The following ADK variants were observed in gnomAD, a reference collection of about 807,000 sequenced individuals.
ADK encodes the protein adenosine kinase.
Under a neutral mutation model 44.7 loss-of-function variants are expected in ADK, and 24 were observed. The ratio of observed to expected loss-of-function variants is 0.54; its 90% CI spans 0.39 to 0.76. The LOEUF (loss-of-function observed/expected upper bound fraction) is 0.76, where lower values mean the gene tolerates loss of function less well. Among genes scored for constraint, ADK ranks in the 30% least tolerant of loss-of-function variants. The probability of loss-of-function intolerance (pLI) is 0.00; values close to 1 mark genes in which losing one functional copy is unlikely to be tolerated. For synonymous variants in ADK, 128 were observed against 142.6 expected (o/e 0.90, Z 0.73); for missense variants, 321 against 425.1 (o/e 0.76, Z 2.15).
chr10:74,441,719 A>AT (rs1845411867), intron 6 of ADK, among the ~76,000 whole-genome samples: 1 of 152,104 alleles, frequency 6.6e-6, no homozygotes, highest in South Asian at 2.1e-4. Flanking sequence ...AATTGTATCT[A>AT]TATCAAACCA....
intron 4 of ADK, among the ~76,000 whole-genome samples, chr10:74,391,408 C>G (rs1843322551): frequency 6.6e-6 from 1 of 151,996 alleles, no homozygotes. Context: ...TCCTATTCCT[C>G]TACTCCTTTC....
intron 9 of ADK, among the ~76,000 whole-genome samples, chr10:74,615,403 C>A (rs1253371217): frequency 6.6e-6 from 1 of 152,042 alleles, no homozygotes; most frequent in Admixed American, 6.6e-5. Flanking sequence ...GTGTCAAGTT[C>A]TGTGGGTTTT....
intron 4 of ADK, among the ~76,000 whole-genome samples, chr10:74,386,830 T>G (rs1178325356): frequency 6.6e-6 from 1 of 152,212 alleles, no homozygotes. Context: ...CTAAGTCCCC[T>G]TGGGGTGCTG....
intron 9 of ADK, among the ~76,000 whole-genome samples, chr10:74,627,641 T>A (rs1367978245): frequency 6.6e-6 from 1 of 151,982 alleles, no homozygotes; most frequent in Non-Finnish European, 1.5e-5. Context: ...TATTTTGTTT[T>A]GTTTTCTGAG....
rs116875724 is a variant in ADK, at chr10:74,481,668, G to A, written c.556-43588G>A. On this transcript the variant is annotated intron_variant, in intron 6 of 10. Coordinates refer to ENST00000539909, the MANE Select transcript of ADK (RefSeq NM_006721.4). Reference sequence around the variant, plus strand: ...CCATTACTATATATTTCTGTTAAATGTCTTGTATGTGTCATTTACTTTGCT... The same window carrying A: ...CCATTACTATATATTTCTGTTAAATATCTTGTATGTGTCATTTACTTTGCT... 2.6e-3 allele frequency among the ~76,000 whole-genome samples: 398 copies of A among 152,190 alleles called. 4 individuals carry two copies. Among genetic ancestry groups the A allele is most frequent in the Non-Finnish European group, 3.5e-3 (235 of 67,962 alleles).
At chr10:74,544,734 G>A (rs1422525924) in intron 7 of ADK, among the ~76,000 whole-genome samples, 2 of 151,866 alleles carry the variant, frequency 1.3e-5, no homozygotes, top group African/African-American at 2.4e-5. Flanking sequence ...CATTAGCTGG[G>A]CGTGGTGATG....
intron 2 of ADK, among the ~76,000 whole-genome samples, chr10:74,206,981 AT>A: frequency 6.6e-6 from 1 of 152,226 alleles, no homozygotes; most frequent in South Asian, 2.1e-4. Flanking sequence ...ACCAGCCTGG[AT>A]CCCACACCTG....
At chr10:74,362,323 G>A (rs1296240653) in intron 4 of ADK, among the ~76,000 whole-genome samples, 1 of 149,262 alleles carries the variant, frequency 6.7e-6, no homozygotes, top group Non-Finnish European at 1.5e-5. Context: ...CTTTTATTTG[G>A]TTAATTCTGC....
intron 6 of ADK, among the ~76,000 whole-genome samples, chr10:74,432,356 A>G (rs1191833898): frequency 2.6e-5 from 4 of 152,200 alleles, no homozygotes; most frequent in Non-Finnish European, 4.4e-5. Context: ...GCTAAAAGGC[A>G]GTATTAATAT....
chr10:74,200,156 G>GTTTTTTTTT (rs760622376), intron 1 of ADK, among the ~76,000 whole-genome samples: 51 of 99,260 alleles, frequency 5.1e-4, no homozygotes, highest in East Asian at 8.6e-4. Flanking sequence ...GACACCATCT[G>GTTTTTTTTT]TTTTTTTTTT....
chr10:74,571,495 C>G (rs1850961126), intron 7 of ADK, among the ~76,000 whole-genome samples: 1 of 152,230 alleles, frequency 6.6e-6, no homozygotes, highest in African/African-American at 2.4e-5. Context: ...AGAGAGTCAA[C>G]TTCTTCCTGG....
chr10:74,186,754 C>T (rs941489407), intron 1 of ADK, among the ~76,000 whole-genome samples: 32 of 152,106 alleles, frequency 2.1e-4, no homozygotes, highest in Non-Finnish European at 4.4e-4. Context: ...TACTTTTGTT[C>T]AATATAATAT....
chr10:74,322,632 AATT>A (rs1021499760), intron 4 of ADK, among the ~76,000 whole-genome samples: 2 of 152,072 alleles, frequency 1.3e-5, no homozygotes, highest in African/African-American at 4.8e-5. Context: ...GTGTTTGTGA[AATT>A]ATTATAACTT....
At chr10:74,314,516 G>C in intron 3 of ADK, 151 bp from the exon 4 acceptor site, 1 of 623,818 alleles carries the variant, frequency 1.6e-6, no homozygotes, top group Non-Finnish European at 2.9e-6. Flanking sequence ...TAGTATTTTT[G>C]TTATAAGATA....
intron 4 of ADK, among the ~76,000 whole-genome samples, chr10:74,356,548 G>T (rs1453032600): frequency 6.6e-6 from 1 of 151,928 alleles, no homozygotes; most frequent in Non-Finnish European, 1.5e-5. Flanking sequence ...TAAATTGGAT[G>T]GTATGTTATA....
chr10:74,208,940 T>C (rs1843705958), intron 2 of ADK, among the ~76,000 whole-genome samples: 1 of 152,148 alleles, frequency 6.6e-6, no homozygotes, highest in East Asian at 1.9e-4. Flanking sequence ...TTTCACCATG[T>C]TGGCCAGGGT....
At chr10:74,577,230 G>A (rs1433919274) in intron 7 of ADK, among the ~76,000 whole-genome samples, 1 of 150,964 alleles carries the variant, frequency 6.6e-6, no homozygotes, top group African/African-American at 2.4e-5. Context: ...GTAGATGTGG[G>A]GTAGTTTTGT....
chr10:74,450,112 C>T (rs1271000258), intron 6 of ADK, among the ~76,000 whole-genome samples: 2 of 152,034 alleles, frequency 1.3e-5, no homozygotes, highest in African/African-American at 4.8e-5. Flanking sequence ...TGAGACCAGC[C>T]TGGGCAACAT....
chr10:74,306,517 G>A (rs1040104930), intron 3 of ADK, among the ~76,000 whole-genome samples: 3 of 151,910 alleles, frequency 2.0e-5, no homozygotes, highest in Non-Finnish European at 4.4e-5. Context: ...TCTTTCTTGT[G>A]TTTTAGTCAA....
Sources: allele counts gnomAD v4.1 joint callset (sites outside exome capture counted in the v4.1 genomes callset), GRCh38; gene constraint gnomAD v4.1.1; transcripts MANE v1.5; gene names NCBI Gene and HGNC (gene_info 2026-07-23, HGNC 2026-07-21).